Variants in SYT7 observed in about 807,000 individuals in gnomAD.
SYT7 encodes the protein synaptotagmin-7.
SYT7 carries 29 observed loss-of-function variants against 75.1 expected under a neutral mutation model. That is an observed-to-expected ratio of 0.39 (90% confidence interval 0.29 to 0.53). The LOEUF (loss-of-function observed/expected upper bound fraction) is 0.53. Among genes scored for constraint, SYT7 ranks in the 20% least tolerant of loss-of-function variants. SYT7 has a pLI of 0.77. For synonymous variants in SYT7, 376 were observed against 401.7 expected, an observed-to-expected ratio of 0.94 and a Z score of 0.76; for missense variants, 693 against 953.2, an observed-to-expected ratio of 0.73 and a Z score of 3.59.
In SYT7 at chr11:61,580,167, T is replaced by C. The variant is rs2135474007; in HGVS notation, c.31+623A>G. ...CCCCCTCCCCAAACCTAGGAGAACA[T>C]TCTCTTGGCACCCCCATTCTCATGA... is the stretch of plus-strand genomic sequence containing the variant. On this transcript the variant is annotated intron_variant, in intron 1 of 12. Transcript: ENST00000539008. This position sits in a 1 kb window ranked among gnomAD's most constrained non-coding sequence, Gnocchi z 6.1. 6.9e-6 allele frequency among the ~76,000 whole-genome samples: 1 copy of C among 144,402 alleles called. No individual in the cohort carries two copies. Among genetic ancestry groups the C allele is most frequent in the East Asian group, 2.1e-4 (1 of 4,788 alleles). The allele number at this position is 144,402 out of a possible 152,430, so 94.7% of individuals were successfully genotyped here.
intron 1 of SYT7, among the ~76,000 whole-genome samples, chr11:61,568,407 T>C (rs1461020022): frequency 3.3e-5 from 5 of 152,244 alleles, no homozygotes; most frequent in African/African-American, 1.2e-4. Context: ...ATAGCTGGTA[T>C]GTATCATTTA....
chr11:61,556,298 T>C, intron 1 of SYT7, 91 bp from the exon 2 acceptor site: 1 of 1,025,110 alleles, frequency 9.8e-7, no homozygotes, highest in Non-Finnish European at 1.4e-6. Flanking sequence ...CACCCTACCC[T>C]CCATCTGGCC....
intron 7 of SYT7, chr11:61,533,747 C>T: frequency 6.9e-6 from 6 of 865,268 alleles, no homozygotes; most frequent in Non-Finnish European, 8.3e-6. Flanking sequence ...CACACGTGTG[C>T]ACTTGAGCAT....
At chr11:61,545,986 G>A in intron 5 of SYT7, 45 bp downstream of exon 5, 1 of 1,506,716 alleles carries the variant, frequency 6.6e-7, no homozygotes. Flanking sequence ...TGGCAGGGCA[G>A]GCCTGAGCTC....
chr11:61,544,153 C>A (rs948966335), intron 5 of SYT7, among the ~76,000 whole-genome samples: 14 of 152,192 alleles, frequency 9.2e-5, no homozygotes, highest in Admixed American at 5.9e-4. Context: ...TCCCAAGTGG[C>A]CTTTTACTGA....
chr11:61,570,966 C>T (rs372199316), intron 1 of SYT7, among the ~76,000 whole-genome samples: 10 of 152,150 alleles, frequency 6.6e-5, no homozygotes, highest in Non-Finnish European at 4.4e-5. Flanking sequence ...ATTAACTCAT[C>T]GAATTTTCCC....
At chr11:61,587,502 G>T in the SYT7 span, among the ~76,000 whole-genome samples, 2 of 152,242 alleles carry the variant, frequency 1.3e-5, no homozygotes, top group African/African-American at 2.4e-5. Flanking sequence ...GTGTGTGAGA[G>T]GGCAGGAGCC....
At chr11:61,565,900 G>A (rs902104586) in intron 1 of SYT7, among the ~76,000 whole-genome samples, 17 of 152,406 alleles carry the variant, frequency 1.1e-4, no homozygotes, top group African/African-American at 3.1e-4. Context: ...GGGAGAGTGC[G>A]CTGGCTGGGG....
At chr11:61,582,658 G>A (rs546102987), upstream of SYT7, among the ~76,000 whole-genome samples, 1 of 152,224 alleles carries the variant, frequency 6.6e-6, no homozygotes, top group African/African-American at 2.4e-5. Flanking sequence ...ACATAAAAAT[G>A]GAAGGAAAAA....
intron 1 of SYT7, among the ~76,000 whole-genome samples, chr11:61,558,645 C>T (rs778064247): frequency 2.4e-4 from 37 of 152,140 alleles, no homozygotes; most frequent in Admixed American, 9.2e-4. Flanking sequence ...TCTCCTAGCA[C>T]GCTAGGTGCC....
intron 12 of SYT7, among the ~76,000 whole-genome samples, chr11:61,521,355 G>A (rs901808368): frequency 3.9e-5 from 6 of 152,178 alleles, no homozygotes; most frequent in Admixed American, 2.0e-4. Flanking sequence ...AGGAATATCC[G>A]ACACCAAGAG....
Position 61,575,907 on chromosome 11 carries a change from T to C in SYT7, c.31+4883A>G, listed in dbSNP as rs115535993. Among the ~76,000 whole-genome samples, 344 of 152,274 alleles carry C rather than the reference T, an allele frequency of 2.3e-3. 4 individuals are homozygous for C. Among genetic ancestry groups the C allele is most frequent in the African/African-American group, 8.0e-3 (332 of 41,550 alleles). On this transcript the variant is annotated intron_variant, in intron 1 of 12. Transcript: ENST00000539008. ...TGCCTCCGCCCTCCCCTTCCACCCG[T>C]GGGCTCAATCACATGAAGATACCAA...
intron 2 of SYT7, among the ~76,000 whole-genome samples, chr11:61,555,337 CCA>C (rs1030200658): frequency 3.9e-5 from 6 of 152,232 alleles, no homozygotes; most frequent in Non-Finnish European, 7.3e-5. Flanking sequence ...CAAAGTCCCA[CCA>C]CACTTCTGGG....
chr11:61,588,330 A>G, the SYT7 span, among the ~76,000 whole-genome samples: 2 of 152,274 alleles, frequency 1.3e-5, no homozygotes, highest in South Asian at 2.1e-4. Flanking sequence ...AACACGCATT[A>G]TCCCGCTTAA....
rs141187033 is a variant in SYT7, at chr11:61,515,872, C to T, written c.*2755G>A. The T allele has an allele frequency of 1.3e-5, 2 of 152,808 alleles. No homozygotes were observed. Among genetic ancestry groups the T allele is most frequent in the African/African-American group, 4.8e-5 (2 of 41,562 alleles). The allele number at this position is 152,808 out of a possible 1,614,324, so 9.5% of individuals were successfully genotyped here. A position where few individuals can be genotyped will look rare whatever the true frequency, so the allele number is the denominator to read the frequency against. ...CGTTGGCCTCAGCTAGCTCTGGAGGCTCTGTGGGGGAGGGGCAGGTGGGCC... is the reference window on the plus strand; with the variant it reads ...CGTTGGCCTCAGCTAGCTCTGGAGGTTCTGTGGGGGAGGGGCAGGTGGGCC... On this transcript the variant is annotated 3_prime_UTR_variant, in exon 13 of 13. Transcript: ENST00000539008.
At chr11:61,564,192 G>A (rs967927381) in intron 1 of SYT7, among the ~76,000 whole-genome samples, 1 of 152,210 alleles carries the variant, frequency 6.6e-6, no homozygotes, top group South Asian at 2.1e-4. Context: ...TGCTGGACAT[G>A]CTGGGAATCT....
chr11:61,531,150 A>G (rs2062692444), intron 8 of SYT7: 2 of 985,192 alleles, frequency 2.0e-6, no homozygotes, highest in Non-Finnish European at 2.4e-6. Flanking sequence ...TGCTTATCTT[A>G]TCATGGCTGT....
At chr11:61,543,286 A>G (rs1191516894) in intron 5 of SYT7, among the ~76,000 whole-genome samples, 1 of 152,194 alleles carries the variant, frequency 6.6e-6, no homozygotes, top group Non-Finnish European at 1.5e-5. Context: ...TCTCCCAGTC[A>G]GAGGACTGGA....
intron 12 of SYT7, among the ~76,000 whole-genome samples, chr11:61,521,912 A>C (rs2062348312): frequency 6.6e-6 from 1 of 152,218 alleles, no homozygotes; most frequent in Admixed American, 6.5e-5. Context: ...GATCTTACTT[A>C]ATCCTCTCAG....
Sources: gnomAD v4.1 joint callset for allele counts (sites outside exome capture counted in the v4.1 genomes callset) on GRCh38, gnomAD v4.1.1 for gene constraint, Gnocchi (gnomAD v3.1) non-coding constraint, MANE v1.5 for transcripts, NCBI Gene and HGNC (gene_info 2026-07-23, HGNC 2026-07-21) for gene names.